Variants in KCNQ1 observed in about 807,000 individuals in gnomAD.
KCNQ1 encodes potassium voltage-gated channel subfamily Q member 1.
Under a neutral mutation model 72.4 loss-of-function variants are expected in KCNQ1, and 49 were observed. The observed-to-expected ratio is 0.68, with a 90% confidence interval of 0.54 to 0.86. The LOEUF is 0.86. KCNQ1 is among the 40% of genes least tolerant of loss of function. The probability of loss-of-function intolerance (pLI) is 0.00; values close to 1 mark genes in which losing one functional copy is unlikely to be tolerated. For synonymous variants in KCNQ1, 450 were observed against 412.6 expected (o/e 1.09, Z -1.10); for missense variants, 790 against 945.1 (o/e 0.84, Z 2.15).
intron 11 of KCNQ1, chr11:2,667,907 G>T: frequency 2.5e-6 from 1 of 398,668 alleles, no homozygotes; most frequent in Non-Finnish European, 4.4e-6. Flanking sequence ...GGCATCTTCA[G>T]TCCCTGGGAC....
In KCNQ1 at chr11:2,668,792, G is replaced by C. The variant is rs960738119; in HGVS notation, c.1514+6711G>C. 1.5e-5 allele frequency: 6 copies of C among 398,552 alleles called. No homozygotes were observed. Among genetic ancestry groups the C allele is most frequent in the African/African-American group, 2.1e-5 (1 of 48,722 alleles). The allele number at this position is 398,552 out of a possible 1,614,324, so 24.7% of individuals were successfully genotyped here. A position where few individuals can be genotyped will look rare whatever the true frequency, so the allele number is the denominator to read the frequency against. On this transcript the variant is annotated intron_variant, in intron 11 of 15. Transcript: ENST00000155840. This position sits in a 1 kb window ranked among gnomAD's most constrained non-coding sequence, Gnocchi z 4.3. ...GATGGTGTCTTTTGATGAACAGAAGGTCTTAATTTTCATGTGGTCCAGTTA... is the reference window on the plus strand; with the variant it reads ...GATGGTGTCTTTTGATGAACAGAAGCTCTTAATTTTCATGTGGTCCAGTTA...
chr11:2,767,497 C>T lies in KCNQ1; in HGVS notation c.1515-1347C>T, dbSNP rs1224121797. Among the ~76,000 whole-genome samples the T allele has an allele frequency of 6.6e-6, 1 of 152,190 alleles. No individual in the cohort carries two copies. The highest frequency in any genetic ancestry group is 1.9e-4 in the East Asian group (1 of 5,196). ...TACCACACCTTTAGATCTGTATGAT[C>T]TCTCTTTTCCCTTGCCTTTTAGTCT... On this transcript the variant is annotated intron_variant, in intron 11 of 15. Coordinates refer to ENST00000155840, the MANE Select transcript of KCNQ1 (RefSeq NM_000218.3). This position sits in a 1 kb window ranked among gnomAD's most constrained non-coding sequence, Gnocchi z 4.6.
At chr11:2,790,476 C>T (rs905476009) in intron 15 of KCNQ1, among the ~76,000 whole-genome samples, 1 of 152,234 alleles carries the variant, frequency 6.6e-6, no homozygotes, top group Non-Finnish European at 1.5e-5. Context: ...CCAGGTGTGG[C>T]CCATCCACAC....
intron 1 of KCNQ1, among the ~76,000 whole-genome samples, chr11:2,472,124 G>A (rs1447273635): frequency 6.7e-6 from 1 of 149,306 alleles, no homozygotes; most frequent in Non-Finnish European, 1.5e-5. Context: ...AAGTGTATGT[G>A]CACATGCGTA....
chr11:2,525,101 AGCCCAGCCCTGGGGGCTGCAGGGTGT>A (rs1396300889), intron 1 of KCNQ1, among the ~76,000 whole-genome samples: 1 of 152,208 alleles, frequency 6.6e-6, no homozygotes, highest in Non-Finnish European at 1.5e-5. Context: ...GCAGAGACCC[AGCCCAGCCCTGGGGGCTGCAGGGTGT>A]GGGGACAGGG....
In KCNQ1 at chr11:2,550,159, A is replaced by G. The variant is rs1485168324; in HGVS notation, c.478-20469A>G. Among the ~76,000 whole-genome samples, 2 of 152,146 alleles carry G rather than the reference A, an allele frequency of 1.3e-5. No individual in the cohort carries two copies. Among genetic ancestry groups the G allele is most frequent in the Admixed American group, 6.5e-5 (1 of 15,284 alleles). ...CCAGAGCTGCCGAGCCCCGGCCTGG[A>G]TGGACATCCCGCAGGCAGTGCACGT... On this transcript the variant is annotated intron_variant, in intron 2 of 15. Transcript: ENST00000155840. This position sits in a 1 kb window ranked among gnomAD's most constrained non-coding sequence, Gnocchi z 6.0.
At chr11:2,685,606 C>T (rs1850473756) in intron 11 of KCNQ1, 1 of 398,712 alleles carries the variant, frequency 2.5e-6, no homozygotes, top group East Asian at 3.6e-5. Context: ...AGGAGGGTTG[C>T]AGCTGGCTGT....
intron 15 of KCNQ1, among the ~76,000 whole-genome samples, chr11:2,795,858 G>A (rs949022341): frequency 2.0e-5 from 3 of 152,192 alleles, no homozygotes; most frequent in Non-Finnish European, 4.4e-5. Context: ...CACAAGCAGG[G>A]GTCCCATGGG....
chr11:2,685,797 G>A (rs1023087684), intron 11 of KCNQ1: 12 of 398,588 alleles, frequency 3.0e-5, no homozygotes, highest in African/African-American at 1.6e-4. Flanking sequence ...CACAGTCAGC[G>A]TTCCTGAGAA....
rs142120369 is a variant in KCNQ1, at chr11:2,668,629, T to C, written c.1514+6548T>C. On this transcript the variant is annotated intron_variant, in intron 11 of 15. Coordinates refer to ENST00000155840, the MANE Select transcript of KCNQ1 (RefSeq NM_000218.3). This position sits in a 1 kb window ranked among gnomAD's most constrained non-coding sequence, Gnocchi z 4.3. ...GCCTACATCTTCTGCCTGTTTTATG[T>C]TTATTTATGGTCCTATATATCTTTA... The C allele has an allele frequency of 4.5e-4, 178 of 398,602 alleles. No individual in the cohort carries two copies. The highest frequency in any genetic ancestry group is 6.4e-4 in the Non-Finnish European group (145 of 226,060). 24.7% of individuals were successfully genotyped at this position (398,602 alleles called of 1,614,324 possible).
rs1848629909 is a variant in KCNQ1 at position 2,588,751 on chromosome 11, G to A, written c.1290G>A (p.Gly430=). 2 of 1,613,648 alleles carry A rather than the reference G, an allele frequency of 1.2e-6. No homozygotes were observed. ...KKKFKLDKDN[G]VTPGEKMLTV... ...AGTTCAAGCTGGACAAAGACAATGG[G>A]GTGACTCCTGGAGAGAAGATGCTCA... is the stretch of plus-strand genomic sequence containing the variant. Residue 430 remains glycine (G), a synonymous_variant, in exon 10 of 16, where the codon GGG becomes GGA. Transcript: ENST00000155840. This position sits in a 1 kb window ranked among gnomAD's most constrained non-coding sequence, Gnocchi z 5.6.
At position 2,515,973 on chromosome 11, in the gene KCNQ1, C is replaced by G. The variant is rs898531979; in HGVS notation, c.387-11955C>G. On this transcript the variant is annotated intron_variant, in intron 1 of 15. Coordinates refer to ENST00000155840, the MANE Select transcript of KCNQ1 (RefSeq NM_000218.3). The surrounding 1 kb of genome is among the most constrained non-coding windows in gnomAD (Gnocchi z 4.7). ...GTGTGCCATGGCTGCAGTGACAGCC[C>G]AGACCCCAGGGGCCGGGCATCCCAC... 6.6e-6 allele frequency among the ~76,000 whole-genome samples: 1 copy of G among 152,084 alleles called. No homozygotes were observed. Among genetic ancestry groups the G allele is most frequent in the Admixed American group, 6.5e-5 (1 of 15,290 alleles).
rs1849276248 is a variant in KCNQ1 at position 2,627,277 on chromosome 11, A to T, written c.1394-34684A>T. The T allele has an allele frequency of 7.5e-6, 3 of 398,434 alleles. No individual in the cohort carries two copies. Among genetic ancestry groups the T allele is most frequent in the Non-Finnish European group, 8.8e-6 (2 of 226,058 alleles). 24.7% of individuals were successfully genotyped at this position (398,434 alleles called of 1,614,324 possible). On this transcript the variant is annotated intron_variant, in intron 10 of 15. Coordinates refer to ENST00000155840, the MANE Select transcript of KCNQ1 (RefSeq NM_000218.3). The surrounding 1 kb of genome is among the most constrained non-coding windows in gnomAD (Gnocchi z 4.9). ...AATGATTACTACAATCAAGCCAATT[A>T]ACATATACCTTACATAGTTGCCATG...
At position 2,848,675 on chromosome 11, in the gene KCNQ1, C is replaced by T. The variant is rs1298573543; in HGVS notation, c.*672C>T. ...GGAACGCCCACTTCCCTGGGTTAGA[C>T]TGCCAGCTCTTCCTAGCTGGAGAGG... On this transcript the variant is annotated 3_prime_UTR_variant, in exon 16 of 16. Coordinates refer to ENST00000155840, the MANE Select transcript of KCNQ1 (RefSeq NM_000218.3). 1 of 450,280 alleles carries T rather than the reference C, an allele frequency of 2.2e-6. No individual in the cohort carries two copies. The highest frequency in any genetic ancestry group is 2.4e-5 in the Admixed American group (1 of 42,514). The allele number at this position is 450,280 out of a possible 1,614,324, so 27.9% of individuals were successfully genotyped here. A position where few individuals can be genotyped will look rare whatever the true frequency, so the allele number is the denominator to read the frequency against.
chr11:2,539,913 T>C (rs1301880250), intron 2 of KCNQ1, among the ~76,000 whole-genome samples: 4 of 152,210 alleles, frequency 2.6e-5, no homozygotes, highest in Non-Finnish European at 5.9e-5. Context: ...GTCCTTGTTT[T>C]CACATCTGAC....
In KCNQ1 at chr11:2,600,414, T is replaced by C. The variant is rs543113454; in HGVS notation, c.1393+11560T>C. 1.6e-4 allele frequency among the ~76,000 whole-genome samples: 25 copies of C among 152,212 alleles called. No homozygotes were observed. The highest frequency in any genetic ancestry group is 3.4e-4 in the Non-Finnish European group (23 of 68,026). On this transcript the variant is annotated intron_variant, in intron 10 of 15. Transcript: ENST00000155840. This position sits in a 1 kb window ranked among gnomAD's most constrained non-coding sequence, Gnocchi z 5.6. ...CATACCCTTCACTAAGATTTACCAG[T>C]TTACTAATTGTTACATTTTGCCACA...
In KCNQ1 at chr11:2,769,203, G is replaced by T. The variant is rs1846549569; in HGVS notation, c.1590+284G>T. On this transcript the variant is annotated intron_variant, in intron 12 of 15. Transcript: ENST00000155840. The surrounding 1 kb of genome is among the most constrained non-coding windows in gnomAD (Gnocchi z 4.6). The stretch of plus-strand genomic sequence containing the variant: ...AGGCAGCAGCCGTGTAGCTCACTCA[G>T]TCCTCCCGTGGGGTGGGTCGTGCAA... Among the ~76,000 whole-genome samples the T allele has an allele frequency of 6.6e-6, 1 of 152,124 alleles. No individual in the cohort carries two copies. The highest frequency in any genetic ancestry group is 2.4e-5 in the African/African-American group (1 of 41,440).
Position 2,470,527 on chromosome 11 carries a change from G to A in KCNQ1, c.386+25043G>A, listed in dbSNP as rs1371960250. Among the ~76,000 whole-genome samples, 4 of 152,132 alleles carry A rather than the reference G, an allele frequency of 2.6e-5. No individual in the cohort carries two copies. In the East Asian group the frequency reaches 7.8e-4, roughly 30 times the overall value. The stretch of plus-strand genomic sequence containing the variant: ...CTGTGCCTGGGAAGGAAGACAAGCC[G>A]GCGTCTTATGAAAAGGCTGGTTTCT... On this transcript the variant is annotated intron_variant, in intron 1 of 15. Transcript: ENST00000155840.
chr11:2,456,307 A>C (rs538888033), intron 1 of KCNQ1, among the ~76,000 whole-genome samples: 226 of 152,294 alleles, frequency 1.5e-3, no homozygotes, highest in Middle Eastern at 3.4e-3. Flanking sequence ...CAAAACAAAA[A>C]AAAAAAAATT....
Sources: gnomAD v4.1 joint callset for allele counts (sites outside exome capture counted in the v4.1 genomes callset) on GRCh38, gnomAD v4.1.1 for gene constraint, Gnocchi (gnomAD v3.1) non-coding constraint, MANE v1.5 for transcripts, NCBI Gene and HGNC (gene_info 2026-07-23, HGNC 2026-07-21) for gene names.